The following ASPSCR1 variants were observed in gnomAD, a reference collection of about 807,000 sequenced individuals.
ASPSCR1 encodes the protein ASPSCR1 tether for SLC2A4, UBX domain containing, also known as tether containing UBX domain for GLUT4.
ASPSCR1 carries 55 observed loss-of-function variants against 68.9 expected under a neutral mutation model. That is an observed-to-expected ratio of 0.80 (90% CI 0.64 to 1.00). The LOEUF (loss-of-function observed/expected upper bound fraction) is 1.00. Among genes scored for constraint, ASPSCR1 ranks in the 50% least tolerant of loss-of-function variants. ASPSCR1 has a pLI of 0.00. For synonymous variants in ASPSCR1, 352 were observed against 332.6 expected (o/e 1.06, Z -0.63); for missense variants, 765 against 762.2 (o/e 1.00, Z -0.04).
intron 3 of ASPSCR1, among the ~76,000 whole-genome samples, chr17:81,985,259 C>CGCACGCACACCT (rs2041958699): frequency 6.6e-6 from 1 of 151,954 alleles, no homozygotes; most frequent in East Asian, 1.9e-4. Flanking sequence ...TATGCACACA[C>CGCACGCACACCT]GCACGCACAC....
At chr17:82,015,312 C>G in intron 12 of ASPSCR1, 3 of 1,598,202 alleles carry the variant, frequency 1.9e-6, no homozygotes, top group Non-Finnish European at 2.5e-6. Flanking sequence ...CAGTGGCGAT[C>G]CCTCCCGAGT....
chr17:82,016,721 G>C, intron 13 of ASPSCR1, 79 bp from the exon 14 acceptor site: 1 of 1,523,758 alleles, frequency 6.6e-7, no homozygotes, highest in Non-Finnish European at 8.9e-7. Flanking sequence ...CCAGAGCTGA[G>C]TGCTGGTGGG....
At chr17:81,995,625 C>T (rs2042311024) in intron 5 of ASPSCR1, 1 of 439,596 alleles carries the variant, frequency 2.3e-6, no homozygotes, top group Non-Finnish European at 4.2e-6. Context: ...GGAATGGCCA[C>T]CCCCGTGGGT....
At chr17:82,015,757 T>C (rs547347412) in intron 12 of ASPSCR1, 2 of 241,332 alleles carry the variant, frequency 8.3e-6, no homozygotes, top group East Asian at 1.9e-4. Flanking sequence ...TGGCAGCTCC[T>C]GGCGCTGTCC....
intron 9 of ASPSCR1, among the ~76,000 whole-genome samples, chr17:82,010,364 C>T (rs1598430603): frequency 6.6e-6 from 1 of 151,532 alleles, no homozygotes; most frequent in East Asian, 2.0e-4. Context: ...CCCATCTCTA[C>T]TAAAAATACA....
At chr17:82,001,417 A>G (rs1311306234) in intron 7 of ASPSCR1, among the ~76,000 whole-genome samples, 1 of 152,024 alleles carries the variant, frequency 6.6e-6, no homozygotes, top group Admixed American at 6.6e-5. Context: ...TCTGAGGACA[A>G]CCCTGGGCTC....
rs187264821 is a variant in ASPSCR1, at chr17:81,988,753, G to T, written c.374+3146G>T. 2.6e-5 allele frequency among the ~76,000 whole-genome samples: 4 copies of T among 152,308 alleles called. No homozygotes were observed. The East Asian group carries it at 7.7e-4, about 29-fold the overall frequency. Reference sequence around the variant, plus strand: ...CACAGCCATGCTCTTCCGTCGTGTGGGTGTCATGTGGGTGTTGCGGGGCAT... The same window carrying T: ...CACAGCCATGCTCTTCCGTCGTGTGTGTGTCATGTGGGTGTTGCGGGGCAT... On this transcript the variant is annotated intron_variant, in intron 4 of 15. Transcript: ENST00000306739.
Position 82,009,519 on chromosome 17 carries a change from G to C in ASPSCR1, c.1122G>C (p.Lys374Asn). ...KRLEEAPLVT[K>N]AFREAQIKEK... is the part of the protein sequence containing the mutation. Reference sequence around the variant, plus strand: ...TGGAAGAAGCCCCCTTGGTGACCAAGGCCTTCAGGGAGGCGCAGATAAAGG... The same window carrying C: ...TGGAAGAAGCCCCCTTGGTGACCAACGCCTTCAGGGAGGCGCAGATAAAGG... Residue 374 changes from lysine to asparagine, a missense_variant, in exon 9 of 16, where the codon AAG (lysine) becomes AAC (asparagine). Transcript: ENST00000306739. 6.4e-7 allele frequency: 1 copy of C among 1,571,578 alleles called. No homozygotes were observed. The highest frequency in any genetic ancestry group is 8.6e-7 in the Non-Finnish European group (1 of 1,160,524).
intron 5 of ASPSCR1, chr17:81,995,502 T>C (rs1326484355): frequency 7.6e-6 from 2 of 263,246 alleles, no homozygotes; most frequent in East Asian, 1.1e-4. Context: ...TGCTGGGCCA[T>C]TGACTGTGCC....
chr17:82,016,515 G>A lies in ASPSCR1; in HGVS notation c.1393G>A (p.Glu465Lys), dbSNP rs368728773. Reference sequence around the variant, plus strand: ...GGCCGCTCTGGTGCACTTGGGAGCCGAGGAGCCGGCAGGTGAGTGTCAGTG... The same window carrying A: ...GGCCGCTCTGGTGCACTTGGGAGCCAAGGAGCCGGCAGGTGAGTGTCAGTG... ...FPAALVHLGAEEPAGVYLEPG... is the reference protein window; with the variant it reads ...FPAALVHLGAKEPAGVYLEPG... Residue 465 changes from glutamate to lysine, a missense_variant, in exon 13 of 16, where the codon GAG becomes AAG. Physicochemically the swap from Glu to Lys is moderately conservative, Grantham distance 56. Coordinates refer to ENST00000306739, the MANE Select transcript of ASPSCR1 (RefSeq NM_024083.4). 2.5e-5 allele frequency: 38 copies of A among 1,549,050 alleles called. No homozygotes were observed. Among genetic ancestry groups the A allele is most frequent in the Middle Eastern group, 2.1e-4 (1 of 4,852 alleles).
chr17:81,993,314 C>T (rs952969257), intron 4 of ASPSCR1, among the ~76,000 whole-genome samples: 1 of 152,062 alleles, frequency 6.6e-6, no homozygotes, highest in African/African-American at 2.4e-5. Context: ...CCTGGGTTCA[C>T]GCCATTCTCC....
At chr17:82,001,995 TCTTTTTCC>T (rs1567978648) in intron 7 of ASPSCR1, among the ~76,000 whole-genome samples, 2 of 148,552 alleles carry the variant, frequency 1.3e-5, no homozygotes, top group Admixed American at 1.4e-4. Flanking sequence ...CTTTTTTTTT[TCTTTTTCC>T]TTTTTTTTTT....
chr17:82,012,651 G>T (rs141391086), intron 12 of ASPSCR1, among the ~76,000 whole-genome samples: 1 of 152,166 alleles, frequency 6.6e-6, no homozygotes, highest in Non-Finnish European at 1.5e-5. Flanking sequence ...AGGGCTCAGG[G>T]AGCCCCAGAG....
At chr17:82,016,777 GGT>G in intron 13 of ASPSCR1, 21 bp from the exon 14 acceptor site, 1 of 1,604,672 alleles carries the variant, frequency 6.2e-7, no homozygotes. Context: ...AGAGGCTCAG[GGT>G]GAGCTTGGGC....
intron 4 of ASPSCR1, among the ~76,000 whole-genome samples, chr17:81,993,448 C>T (rs1004332007): frequency 6.6e-5 from 10 of 152,152 alleles, no homozygotes; most frequent in Non-Finnish European, 1.0e-4. Flanking sequence ...CTCCTGACCT[C>T]GTGATCCGCC....
chr17:82,015,038 G>C (rs935783961), intron 12 of ASPSCR1: 1 of 1,565,840 alleles, frequency 6.4e-7, no homozygotes, highest in Non-Finnish European at 8.6e-7. Flanking sequence ...GCCCTGCTCT[G>C]GCTGGGGGGA....
chr17:82,012,177 T>A, intron 11 of ASPSCR1, 54 bp from the exon 12 acceptor site: 1 of 1,573,926 alleles, frequency 6.4e-7, no homozygotes, highest in Non-Finnish European at 8.7e-7. Context: ...TTCGGGCGCA[T>A]GGATGGGCGA....
chr17:81,990,725 C>A lies in ASPSCR1; in HGVS notation c.375-4096C>A, dbSNP rs908627862. 8.5e-5 allele frequency among the ~76,000 whole-genome samples: 13 copies of A among 152,166 alleles called. No individual in the cohort carries two copies. The highest frequency in any genetic ancestry group is 8.5e-4 in the Admixed American group (13 of 15,276). ...CCTACGGGCCCTGGGGGTACACGGC[C>A]CTCCTGGAGGCACCCGGAGGAGGAA... On this transcript the variant is annotated intron_variant, in intron 4 of 15. Transcript: ENST00000306739. The surrounding 1 kb of genome is among the most constrained non-coding windows in gnomAD (Gnocchi z 4.1).
intron 10 of ASPSCR1, among the ~76,000 whole-genome samples, 182 bp downstream of exon 10, chr17:82,011,050 G>A (rs2042921169): frequency 6.6e-6 from 1 of 152,222 alleles, no homozygotes; most frequent in Non-Finnish European, 1.5e-5. Flanking sequence ...AGAGTGTCAG[G>A]CAGGCTGGGC....
Sources: gnomAD v4.1 joint callset for allele counts (sites outside exome capture counted in the v4.1 genomes callset) on GRCh38, gnomAD v4.1.1 for gene constraint, Gnocchi (gnomAD v3.1) non-coding constraint, MANE v1.5 for transcripts, NCBI Gene and HGNC (gene_info 2026-07-23, HGNC 2026-07-21) for gene names.